CCT4: variants seen among roughly 807,000 people sequenced by gnomAD.
CCT4 encodes the protein chaperonin containing TCP1 subunit 4.
Under a neutral mutation model 62.5 loss-of-function variants are expected in CCT4, and 17 were observed. The ratio of observed to expected loss-of-function variants is 0.27; its 90% CI spans 0.19 to 0.41. CCT4 has a LOEUF of 0.41. Among genes scored for constraint, CCT4 ranks in the 10% least tolerant of loss-of-function variants. The pLI, the probability that CCT4 is intolerant of heterozygous loss-of-function variation, is 1.00. For missense variants in CCT4, 592 were observed against 659.2 expected, an observed-to-expected ratio of 0.90 and a Z score of 1.12; for synonymous variants, 250 against 229.9, an observed-to-expected ratio of 1.09 and a Z score of -0.79.
At chr2:61,875,962 A>T in intron 8 of CCT4, 133 bp downstream of exon 8, 1 of 545,774 alleles carries the variant, frequency 1.8e-6, no homozygotes, top group Non-Finnish European at 3.2e-6. Flanking sequence ...ATTTCGTTTC[A>T]CCTAAGAGTT....
At chr2:61,887,971 T>C (rs950480690) in intron 1 of CCT4, 2 of 157,734 alleles carry the variant, frequency 1.3e-5, no homozygotes, top group Admixed American at 6.5e-5. Flanking sequence ...TGAAGTTTAT[T>C]TAATAGTTCT....
intron 12 of CCT4, among the ~76,000 whole-genome samples, 191 bp downstream of exon 12, chr2:61,871,891 A>G (rs534977303): frequency 6.6e-6 from 1 of 152,202 alleles, no homozygotes; most frequent in African/African-American, 2.4e-5. Flanking sequence ...ATGAACAAAT[A>G]ATACTTCCCC....
rs760422986 is a variant in CCT4 at position 61,872,238 on chromosome 2, A to C, written c.1335T>G (p.Gly445=). 3.7e-6 allele frequency: 6 copies of C among 1,613,640 alleles called. No homozygotes were observed. In the African/African-American group the frequency reaches 8.0e-5, roughly 22 times the overall value. ...RLTEYSRTLS[G]MESYCVRAFA... ...AAGCACGAACGCAGTAGGATTCCAT[A>C]CCACTCAGTGTTCGTGAATATTCAG... is the stretch of plus-strand genomic sequence containing the variant. The change falls in exon 12 of 14, where the codon GGT becomes GGG. Residue 445 remains glycine, a synonymous_variant. Transcript: ENST00000394440.
chr2:61,888,136 T>G, intron 1 of CCT4: 2 of 525,164 alleles, frequency 3.8e-6, no homozygotes, highest in East Asian at 3.2e-5. Flanking sequence ...TGATGCACAG[T>G]GCAGGATGAA....
intron 2 of CCT4, among the ~76,000 whole-genome samples, 178 bp downstream of exon 2, chr2:61,884,842 G>A (rs903322028): frequency 9.9e-5 from 15 of 151,920 alleles, no homozygotes; most frequent in African/African-American, 3.6e-4. Context: ...TGGTCAGGAT[G>A]GTCTCCAACT....
At chr2:61,880,229 C>T in intron 4 of CCT4, 57 bp downstream of exon 4, 1 of 769,880 alleles carries the variant, frequency 1.3e-6, no homozygotes. Flanking sequence ...CTTGGCTTTT[C>T]CTAAAGTTTG....
chr2:61,878,984 G>T lies in CCT4; in HGVS notation c.407C>A (p.Ser136Ter). 6.2e-7 allele frequency: 1 copy of T among 1,607,954 alleles called. No homozygotes were observed. The highest frequency in any genetic ancestry group is 1.1e-5 in the South Asian group (1 of 89,962). Residue 136 changes from serine to a stop codon, truncating the protein, a stop_gained, in exon 5 of 14, where the codon TCA (serine) becomes TAA (stop). Coordinates refer to ENST00000394440, the MANE Select transcript of CCT4 (RefSeq NM_006430.4). LOFTEE classifies it high-confidence loss of function. ...KGIHPTIISE[S>*]FQKALEKGIE... is the part of the protein sequence containing the mutation. ...GCCCTTTTCCAGGGCCTTCTGGAAT[G>T]ACTCAGAAATGATGGTTGGATGAAT...
At chr2:61,870,354 C>G (rs1256431756) in intron 12 of CCT4, among the ~76,000 whole-genome samples, 1 of 152,162 alleles carries the variant, frequency 6.6e-6, no homozygotes, top group East Asian at 1.9e-4. Flanking sequence ...TAGATCAACC[C>G]CAGTCTACTC....
chr2:61,888,587 A>G lies in CCT4; in HGVS notation c.-80T>C, dbSNP rs1239107970. The G allele has an allele frequency of 2.6e-6, 4 of 1,513,478 alleles. No individual in the cohort carries two copies. Among genetic ancestry groups the G allele is most frequent in the Non-Finnish European group, 2.7e-6 (3 of 1,121,764 alleles). 93.8% of individuals were successfully genotyped at this position (1,513,478 alleles called of 1,614,324 possible). ...TGGCCGGCCGCAGTGTAATAACGGT[A>G]AGCCCTCACTGCCTTCACGAACCTT... On this transcript the variant is annotated 5_prime_UTR_variant, in exon 1 of 14. Coordinates refer to ENST00000394440, the MANE Select transcript of CCT4 (RefSeq NM_006430.4).
At chr2:61,878,604 T>C (rs1245688876) in intron 5 of CCT4, among the ~76,000 whole-genome samples, 1 of 152,188 alleles carries the variant, frequency 6.6e-6, no homozygotes, top group Non-Finnish European at 1.5e-5. Context: ...ATAGGCAAAT[T>C]AAAATATCTA....
chr2:61,885,129 A>G, intron 1 of CCT4, 57 bp from the exon 2 acceptor site: 8 of 1,328,380 alleles, frequency 6.0e-6, no homozygotes, highest in Non-Finnish European at 8.1e-6. Flanking sequence ...TTTTTAAGAG[A>G]CAGGGTCTTA....
At chr2:61,886,361 G>A (rs925851779) in intron 1 of CCT4, among the ~76,000 whole-genome samples, 1 of 152,180 alleles carries the variant, frequency 6.6e-6, no homozygotes, top group African/African-American at 2.4e-5. Flanking sequence ...GCAATGAGCA[G>A]AGATCACACC....
chr2:61,887,594 T>C (rs1669286998), intron 1 of CCT4, among the ~76,000 whole-genome samples: 1 of 152,222 alleles, frequency 6.6e-6, no homozygotes, highest in Non-Finnish European at 1.5e-5. Flanking sequence ...CTTCCAGATT[T>C]TTCTATTTCA....
intron 10 of CCT4, 35 bp downstream of exon 10, chr2:61,872,967 C>T (rs889995362): frequency 8.1e-7 from 1 of 1,229,294 alleles, no homozygotes; most frequent in Non-Finnish European, 1.2e-6. Context: ...ATACCCAAAC[C>T]TAAGCAAATA....
chr2:61,878,783 A>C, intron 5 of CCT4, 86 bp downstream of exon 5: 1 of 845,102 alleles, frequency 1.2e-6, no homozygotes, highest in African/African-American at 1.7e-5. Flanking sequence ...CTTGAGATTT[A>C]GTATTTATGT....
chr2:61,886,235 A>G (rs1221751167), intron 1 of CCT4, among the ~76,000 whole-genome samples: 1 of 152,126 alleles, frequency 6.6e-6, no homozygotes, highest in Admixed American at 6.6e-5. Context: ...ACATGGCGAA[A>G]CCCTGCCTCT....
intron 3 of CCT4, among the ~76,000 whole-genome samples, chr2:61,880,649 G>GT (rs754675649): frequency 5.3e-5 from 8 of 152,092 alleles, no homozygotes; most frequent in Middle Eastern, 3.4e-3. Flanking sequence ...AAAATATATC[G>GT]TAAGTACTCT....
intron 12 of CCT4, among the ~76,000 whole-genome samples, chr2:61,869,941 T>TA (rs982763716): frequency 6.6e-6 from 1 of 150,508 alleles, no homozygotes; most frequent in African/African-American, 2.4e-5. Flanking sequence ...CACTTATTTT[T>TA]AAATATTGGC....
At position 61,888,486 on chromosome 2, in the gene CCT4, G is replaced by A. The variant is rs750787242; in HGVS notation, c.22C>T (p.Arg8Trp). The A allele has an allele frequency of 1.1e-5, 18 of 1,611,836 alleles. No individual in the cohort carries two copies. The highest frequency in any genetic ancestry group is 1.4e-5 in the Non-Finnish European group (17 of 1,179,298). ...GCAGCCCCGGCAGTCGCCCCGCTCCGGGGTGCCACATTCTCGGGCATGGCA... is the reference window on the plus strand; with the variant it reads ...GCAGCCCCGGCAGTCGCCCCGCTCCAGGGTGCCACATTCTCGGGCATGGCA... MPENVAP[R>W]SGATAGAAGG... Residue 8 changes from arginine (R) to tryptophan (W), a missense_variant, in exon 1 of 14, where the codon CGG (arginine) becomes TGG (tryptophan). By Grantham distance (101) the Arg-to-Trp change is moderately radical. This residue lies in a region of CCT4 where 67 missense variants were observed against 71.1 expected (regional missense o/e 0.94). Coordinates refer to ENST00000394440, the MANE Select transcript of CCT4 (RefSeq NM_006430.4).
Sources: gnomAD v4.1 joint callset for allele counts (sites outside exome capture counted in the v4.1 genomes callset) on GRCh38, gnomAD v4.1.1 for gene constraint, gnomAD v4.1.1 regional missense constraint, MANE v1.5 for transcripts, NCBI Gene and HGNC (gene_info 2026-07-23, HGNC 2026-07-21) for gene names.